ARHGAP15: variants seen among roughly 807,000 people sequenced by gnomAD.
ARHGAP15 encodes the protein Rho GTPase activating protein 15.
ARHGAP15 carries 51 observed loss-of-function variants against 63.7 expected under a neutral mutation model. The ratio of observed to expected loss-of-function variants is 0.80; its 90% CI spans 0.64 to 1.01. The LOEUF is 1.01. Among genes scored for constraint, ARHGAP15 ranks in the 50% least tolerant of loss-of-function variants. The probability of loss-of-function intolerance (pLI) is 0.00; values close to 1 mark genes in which losing one functional copy is unlikely to be tolerated. For missense variants in ARHGAP15, 560 were observed against 564.6 expected (o/e 0.99, Z 0.08); for synonymous variants, 191 against 193.8 (o/e 0.99, Z 0.12).
chr2:143,340,035 T>C (rs935778800), intron 6 of ARHGAP15, among the ~76,000 whole-genome samples: 1 of 152,168 alleles, frequency 6.6e-6, no homozygotes, highest in Non-Finnish European at 1.5e-5. Flanking sequence ...TTTCTTTCTC[T>C]TTGAAAACTA....
intron 13 of ARHGAP15, among the ~76,000 whole-genome samples, chr2:143,764,637 C>CT (rs1392703349): frequency 6.6e-6 from 1 of 152,168 alleles, no homozygotes; most frequent in Non-Finnish European, 1.5e-5. Context: ...CTATAGACCC[C>CT]TTCCAGCTTC....
At position 143,347,009 on chromosome 2, in the gene ARHGAP15, T is replaced by C. The variant is rs528834604; in HGVS notation, c.475-88592T>C. Among the ~76,000 whole-genome samples, 39 of 152,152 alleles carry C rather than the reference T, an allele frequency of 2.6e-4. 1 individual carries two copies. The South Asian group carries it at 3.9e-3, about 15-fold the overall frequency. On this transcript the variant is annotated intron_variant, in intron 6 of 13. Coordinates refer to ENST00000295095, the MANE Select transcript of ARHGAP15 (RefSeq NM_018460.4). ...TTGGTCTGTTTATCATGGAAACTGA[T>C]GTACAAATCGAGAGGTCTTTTTGGT...
intron 12 of ARHGAP15, among the ~76,000 whole-genome samples, chr2:143,685,081 C>CTGTT (rs1273986337): frequency 3.9e-5 from 6 of 152,170 alleles, no homozygotes; most frequent in African/African-American, 9.7e-5. Context: ...TGCAAGCTAC[C>CTGTT]TGTTTCTGTT....
At chr2:143,508,903 G>A (rs1693443776) in intron 9 of ARHGAP15, among the ~76,000 whole-genome samples, 1 of 152,202 alleles carries the variant, frequency 6.6e-6, no homozygotes, top group Admixed American at 6.5e-5. Context: ...GTACTGTTTA[G>A]GGTTGAGAGT....
At chr2:143,739,150 G>T (rs932947818) in intron 13 of ARHGAP15, among the ~76,000 whole-genome samples, 3 of 152,134 alleles carry the variant, frequency 2.0e-5, no homozygotes, top group Non-Finnish European at 2.9e-5. Flanking sequence ...CATCTTGGAA[G>T]GCTCTGTGAC....
intron 13 of ARHGAP15, among the ~76,000 whole-genome samples, chr2:143,725,111 A>G (rs1195551920): frequency 6.6e-6 from 1 of 152,270 alleles, no homozygotes; most frequent in Non-Finnish European, 1.5e-5. Flanking sequence ...GTTAATCCAC[A>G]TATGATAAGT....
At chr2:143,297,962 C>A (rs961945106) in intron 6 of ARHGAP15, among the ~76,000 whole-genome samples, 6 of 151,982 alleles carry the variant, frequency 3.9e-5, no homozygotes, top group African/African-American at 1.4e-4. Context: ...GATCTTCTAC[C>A]TTTAGCTCGG....
At chr2:143,426,755 C>A (rs145134508) in intron 6 of ARHGAP15, among the ~76,000 whole-genome samples, 3 of 152,224 alleles carry the variant, frequency 2.0e-5, no homozygotes, top group Admixed American at 6.5e-5. Flanking sequence ...GTGGCATCAC[C>A]ATTCCTTATT....
intron 3 of ARHGAP15, among the ~76,000 whole-genome samples, chr2:143,214,206 T>G (rs1305692196): frequency 6.6e-6 from 1 of 152,196 alleles, no homozygotes; most frequent in Non-Finnish European, 1.5e-5. Context: ...TTATGATGGG[T>G]TGATAGGTTT....
chr2:143,257,959 A>AT (rs1680509985), intron 6 of ARHGAP15, among the ~76,000 whole-genome samples: 1 of 152,136 alleles, frequency 6.6e-6, no homozygotes, highest in South Asian at 2.1e-4. Context: ...CTGTTTCAAT[A>AT]TCTTTTATTT....
At chr2:143,345,823 A>T (rs1428126831) in intron 6 of ARHGAP15, among the ~76,000 whole-genome samples, 1 of 152,076 alleles carries the variant, frequency 6.6e-6, no homozygotes, top group Non-Finnish European at 1.5e-5. Context: ...TTGCAGTTTT[A>T]TCACCATATT....
intron 10 of ARHGAP15, chr2:143,533,426 T>A (rs1468889031): frequency 6.6e-6 from 1 of 152,188 alleles, no homozygotes; most frequent in Non-Finnish European, 1.5e-5. Flanking sequence ...GATGTCACCT[T>A]GAGCCCCTGT....
At chr2:143,534,404 C>G (rs1157234000) in intron 10 of ARHGAP15, among the ~76,000 whole-genome samples, 1 of 152,094 alleles carries the variant, frequency 6.6e-6, no homozygotes, top group East Asian at 1.9e-4. Context: ...AATACAGACC[C>G]AGTGATGTAT....
intron 10 of ARHGAP15, among the ~76,000 whole-genome samples, chr2:143,535,690 T>G (rs1694723956): frequency 6.6e-6 from 1 of 152,236 alleles, no homozygotes; most frequent in Non-Finnish European, 1.5e-5. Context: ...ACTGCCTGAT[T>G]ATGGATTTCC....
chr2:143,193,903 C>T (rs963449085), intron 2 of ARHGAP15, among the ~76,000 whole-genome samples: 2 of 152,180 alleles, frequency 1.3e-5, no homozygotes, highest in East Asian at 3.9e-4. Context: ...AGTGATGGAA[C>T]ATACACTTGA....
chr2:143,134,975 A>G (rs1689080225), intron 1 of ARHGAP15, among the ~76,000 whole-genome samples: 1 of 152,160 alleles, frequency 6.6e-6, no homozygotes, highest in Non-Finnish European at 1.5e-5. Context: ...AATAGACAGT[A>G]GCTTAAAAGG....
At chr2:143,548,241 G>A (rs1356878732) in intron 10 of ARHGAP15, among the ~76,000 whole-genome samples, 1 of 152,114 alleles carries the variant, frequency 6.6e-6, no homozygotes, top group Non-Finnish European at 1.5e-5. Context: ...GGAAGTGGGA[G>A]TGAAGCATTT....
chr2:143,537,503 T>C (rs902089398), intron 10 of ARHGAP15, among the ~76,000 whole-genome samples: 1 of 152,254 alleles, frequency 6.6e-6, no homozygotes, highest in Non-Finnish European at 1.5e-5. Context: ...AGAGTTTTTA[T>C]GGTTTTAGAT....
intron 1 of ARHGAP15, among the ~76,000 whole-genome samples, chr2:143,144,376 T>C (rs921444561): frequency 4.6e-5 from 7 of 152,050 alleles, no homozygotes; most frequent in Non-Finnish European, 1.0e-4. Flanking sequence ...CCACCAACAG[T>C]GTACAAGCAT....
Sources: gnomAD v4.1 joint callset for allele counts (sites outside exome capture counted in the v4.1 genomes callset) on GRCh38, gnomAD v4.1.1 for gene constraint, MANE v1.5 for transcripts, NCBI Gene and HGNC (gene_info 2026-07-23, HGNC 2026-07-21) for gene names.